ANKRD17: variants seen among roughly 807,000 people sequenced by gnomAD.
ANKRD17 encodes the protein ankyrin repeat domain-containing protein 17.
Under a neutral mutation model 229.7 loss-of-function variants are expected in ANKRD17, and 19 were observed. The observed-to-expected ratio is 0.08, with a 90% CI of 0.06 to 0.12. The LOEUF is 0.12. Ranked by LOEUF, ANKRD17 falls within the 10% of genes least tolerant of loss-of-function variation. The probability of loss-of-function intolerance (pLI) is 1.00; values close to 1 mark genes in which losing one functional copy is unlikely to be tolerated. For synonymous variants in ANKRD17, 1,112 were observed against 1,146.1 expected (o/e 0.97, Z 0.60); for missense variants, 2,176 against 3,176.8 (o/e 0.68, Z 7.57).
chr4:73,158,176 G>GAAAGAAAGAAAGAAAGAA (rs1560617722), intron 3 of ANKRD17, among the ~76,000 whole-genome samples: 1 of 151,012 alleles, frequency 6.6e-6, no homozygotes, highest in Non-Finnish European at 1.5e-5. Context: ...AAGAAAGAAA[G>GAAAGAAAGAAAGAAAGAA]AAAGAAAGAA....
intron 1 of ANKRD17, among the ~76,000 whole-genome samples, chr4:73,203,702 T>C (rs10446506): frequency 0.37 from 52,254 of 140,222 alleles, 9,900 homozygotes; most frequent in South Asian, 0.46. Flanking sequence ...GAGCTTGCAG[T>C]GAGTCGAGAT....
Position 73,258,540 on chromosome 4 carries a change from G to C in ANKRD17, c.129C>G (p.Ser43Arg), listed in dbSNP as rs1472447088. 4.0e-6 allele frequency: 6 copies of C among 1,498,052 alleles called. No individual in the cohort carries two copies. Among genetic ancestry groups the C allele is most frequent in the African/African-American group, 2.9e-5 (2 of 68,738 alleles). 92.8% of individuals were successfully genotyped at this position (1,498,052 alleles called of 1,614,324 possible). Residue 43 changes from serine (S) to arginine (R), a missense_variant, in exon 1 of 34, where the codon AGC becomes AGG. Coordinates refer to ENST00000358602, the MANE Select transcript of ANKRD17 (RefSeq NM_032217.5). ...GAGGAGACGAGGCCGAGCGAGCTCT[G>C]CTGCTGCCGCCAACGCCGCCGCCGA... ...AEVGGGVGGS[S>R]RARSASSPRG...
chr4:73,104,330 T>A (rs1724358580), intron 24 of ANKRD17, among the ~76,000 whole-genome samples: 1 of 152,148 alleles, frequency 6.6e-6, no homozygotes, highest in South Asian at 2.1e-4. Flanking sequence ...TGAGCATGTG[T>A]GACTCAGCTC....
chr4:73,157,285 A>T (rs1266758097), intron 3 of ANKRD17, among the ~76,000 whole-genome samples: 1 of 152,206 alleles, frequency 6.6e-6, no homozygotes, highest in Non-Finnish European at 1.5e-5. Flanking sequence ...ATAAATGAAT[A>T]ACTGATGAGC....
intron 3 of ANKRD17, among the ~76,000 whole-genome samples, chr4:73,156,619 A>G (rs1731696789): frequency 6.6e-6 from 1 of 152,000 alleles, no homozygotes; most frequent in African/African-American, 2.4e-5. Flanking sequence ...GTGTAGCACT[A>G]CCCACTTTGC....
intron 6 of ANKRD17, among the ~76,000 whole-genome samples, chr4:73,152,752 C>T (rs1255902021): frequency 6.6e-6 from 1 of 151,996 alleles, no homozygotes; most frequent in African/African-American, 2.4e-5. Flanking sequence ...GAGAGAGCCA[C>T]CCAATCAACC....
intron 22 of ANKRD17, among the ~76,000 whole-genome samples, chr4:73,117,792 A>G (rs528577163): frequency 2.6e-5 from 4 of 152,338 alleles, no homozygotes; most frequent in African/African-American, 9.6e-5. Context: ...AACAAACTAA[A>G]GCTGGATTTA....
At chr4:73,215,896 T>C (rs1229411066) in intron 1 of ANKRD17, among the ~76,000 whole-genome samples, 2 of 152,176 alleles carry the variant, frequency 1.3e-5, no homozygotes, top group African/African-American at 4.8e-5. Context: ...TGTATCACAA[T>C]AGACTGAATA....
At chr4:73,116,425 G>C (rs1264232588) in intron 22 of ANKRD17, among the ~76,000 whole-genome samples, 1 of 152,140 alleles carries the variant, frequency 6.6e-6, no homozygotes, top group Non-Finnish European at 1.5e-5. Context: ...TGCAACACAA[G>C]TTAGTATCTA....
intron 18 of ANKRD17, among the ~76,000 whole-genome samples, chr4:73,123,883 T>C (rs1727085344): frequency 6.6e-6 from 1 of 151,824 alleles, no homozygotes; most frequent in African/African-American, 2.4e-5. Flanking sequence ...TACCTTTACA[T>C]ATAATATTTT....
chr4:73,162,055 TC>T (rs1732603198), intron 2 of ANKRD17, among the ~76,000 whole-genome samples: 2 of 147,226 alleles, frequency 1.4e-5, no homozygotes, highest in Admixed American at 6.8e-5. Flanking sequence ...TTTCTCTCTC[TC>T]TTTTTTTTTT....
At chr4:73,116,195 G>A (rs537143266) in intron 22 of ANKRD17, among the ~76,000 whole-genome samples, 10 of 151,234 alleles carry the variant, frequency 6.6e-5, no homozygotes, top group African/African-American at 1.9e-4. Context: ...AATACAAAGA[G>A]TAGGGGATAT....
At chr4:73,151,722 C>T (rs1731021692) in intron 6 of ANKRD17, among the ~76,000 whole-genome samples, 198 bp from the exon 7 acceptor site, 1 of 152,152 alleles carries the variant, frequency 6.6e-6, no homozygotes, top group Non-Finnish European at 1.5e-5. Context: ...TACCCTACTG[C>T]CCTATAAACT....
At position 73,258,649 on chromosome 4, in the gene ANKRD17, G is replaced by C; in HGVS notation, c.20C>G (p.Pro7Arg). Residue 7 changes from proline (P) to arginine (R), a missense_variant, in exon 1 of 34, where the codon CCG becomes CGG. Coordinates refer to ENST00000358602, the MANE Select transcript of ANKRD17 (RefSeq NM_032217.5). Reference protein sequence around the residue: MEKATVPVAAATAAEGE... With the variant: MEKATVRVAAATAAEGE... The stretch of plus-strand genomic sequence containing the variant: ...TTCTGCAGCCGTCGCCGCCGCCACC[G>C]GAACCGTCGCCTTCTCCATCCCCAG... 6.7e-7 allele frequency: 1 copy of C among 1,484,904 alleles called. No individual in the cohort carries two copies. Among genetic ancestry groups the C allele is most frequent in the Non-Finnish European group, 8.9e-7 (1 of 1,126,380 alleles). The allele number at this position is 1,484,904 out of a possible 1,614,324, so 92.0% of individuals were successfully genotyped here. A position where few individuals can be genotyped will look rare whatever the true frequency, so the allele number is the denominator to read the frequency against.
chr4:73,178,416 G>A (rs1398943186), intron 1 of ANKRD17, among the ~76,000 whole-genome samples: 2 of 151,990 alleles, frequency 1.3e-5, no homozygotes, highest in Non-Finnish European at 2.9e-5. Flanking sequence ...CATTCAAAAG[G>A]GGAGTTTTCA....
chr4:73,201,448 A>G (rs966005470), intron 1 of ANKRD17, among the ~76,000 whole-genome samples: 4 of 152,090 alleles, frequency 2.6e-5, no homozygotes, highest in Admixed American at 6.5e-5. Context: ...TTAATAAAAT[A>G]GAAAAAAAAA....
chr4:73,104,760 GGA>G (rs2148620982), intron 24 of ANKRD17, among the ~76,000 whole-genome samples: 1 of 151,846 alleles, frequency 6.6e-6, no homozygotes, highest in South Asian at 2.1e-4. Flanking sequence ...GAGGTGGGGG[GGA>G]TTTGGGGGTG....
chr4:73,185,916 CTT>C (rs1736237747), intron 1 of ANKRD17, among the ~76,000 whole-genome samples: 1 of 151,774 alleles, frequency 6.6e-6, no homozygotes, highest in Admixed American at 6.6e-5. Flanking sequence ...AATTAAGAAA[CTT>C]GAGTTTATGA....
intron 3 of ANKRD17, among the ~76,000 whole-genome samples, chr4:73,158,134 G>GAA (rs1453367391): frequency 1.1e-5 from 1 of 90,348 alleles, no homozygotes; most frequent in Non-Finnish European, 2.5e-5. Context: ...GAAAGAAGGA[G>GAA]AAAGAAAGAA....
Sources: gnomAD v4.1 joint callset for allele counts (sites outside exome capture counted in the v4.1 genomes callset) on GRCh38, gnomAD v4.1.1 for gene constraint, MANE v1.5 for transcripts, NCBI Gene and HGNC (gene_info 2026-07-23, HGNC 2026-07-21) for gene names.